Variants in SND1 observed in about 807,000 individuals in gnomAD.
SND1 encodes staphylococcal nuclease domain-containing protein 1.
SND1 carries 38 observed loss-of-function variants against 121.7 expected under a neutral mutation model. That is an observed-to-expected ratio of 0.31 (90% CI 0.24 to 0.41). The LOEUF (loss-of-function observed/expected upper bound fraction) is 0.41. SND1 is among the 10% of genes least tolerant of loss of function. The pLI is 1.00. For synonymous variants in SND1, 401 were observed against 447.4 expected, an observed-to-expected ratio of 0.90 and a Z score of 1.31; for missense variants, 868 against 1,184.6, an observed-to-expected ratio of 0.73 and a Z score of 3.92.
At chr7:127,982,628 A>G (rs977457287) in intron 15 of SND1, among the ~76,000 whole-genome samples, 1 of 152,240 alleles carries the variant, frequency 6.6e-6, no homozygotes, top group African/African-American at 2.4e-5. Context: ...ACCTTTTAGT[A>G]CAAACTGTAG....
At chr7:127,665,637 G>A (rs1795402807) in intron 1 of SND1, among the ~76,000 whole-genome samples, 1 of 152,190 alleles carries the variant, frequency 6.6e-6, no homozygotes, top group African/African-American at 2.4e-5. Flanking sequence ...GAGGGCTGTG[G>A]TGATAGGTAT....
At chr7:127,751,583 T>A (rs546969493) in intron 10 of SND1, among the ~76,000 whole-genome samples, 1 of 144,400 alleles carries the variant, frequency 6.9e-6, no homozygotes, top group South Asian at 2.1e-4. Context: ...GGCTATAGCC[T>A]TCATTTGGCC....
intron 13 of SND1, among the ~76,000 whole-genome samples, chr7:127,891,940 A>T (rs549841729): frequency 1.3e-5 from 2 of 152,208 alleles, no homozygotes; most frequent in East Asian, 3.9e-4. Context: ...TCGTTCTGAC[A>T]CTCTTTAGGT....
chr7:127,664,648 G>A (rs1052894157), intron 1 of SND1, among the ~76,000 whole-genome samples: 4 of 152,286 alleles, frequency 2.6e-5, no homozygotes, highest in Admixed American at 6.5e-5. Flanking sequence ...TAATAAACCC[G>A]AGAAGAGGCT....
intron 12 of SND1, among the ~76,000 whole-genome samples, chr7:127,887,125 CT>C (rs139849874): frequency 0.012 from 1,893 of 152,124 alleles, 19 homozygotes; most frequent in Non-Finnish European, 0.021. Context: ...TTCCAAGTAG[CT>C]GGAACTACAG....
At position 127,702,257 on chromosome 7, in the gene SND1, T is replaced by C. The variant is rs534744350; in HGVS notation, c.590-178T>C. Among the ~76,000 whole-genome samples the C allele has an allele frequency of 2.0e-5, 3 of 152,336 alleles. No individual in the cohort carries two copies. In the East Asian group the frequency reaches 5.8e-4, roughly 29 times the overall value. On this transcript the variant is annotated intron_variant, in intron 5 of 23. Coordinates refer to ENST00000354725, the MANE Select transcript of SND1 (RefSeq NM_014390.4). ...TAATCTGCATTCTCCAGGAATCATTTATGCAAGAGTCTGTTATGTAAACTC... is the reference window on the plus strand; with the variant it reads ...TAATCTGCATTCTCCAGGAATCATTCATGCAAGAGTCTGTTATGTAAACTC...
At chr7:127,734,925 CCAGA>C (rs1796747050) in intron 10 of SND1, among the ~76,000 whole-genome samples, 1 of 152,152 alleles carries the variant, frequency 6.6e-6, no homozygotes, top group African/African-American at 2.4e-5. Context: ...TTTCCAGCTG[CCAGA>C]CAGACCAGAA....
chr7:127,747,308 T>C (rs1587636962), intron 10 of SND1, among the ~76,000 whole-genome samples: 1 of 152,362 alleles, frequency 6.6e-6, no homozygotes, highest in South Asian at 2.1e-4. Flanking sequence ...CATGTGGCTG[T>C]GGAAAGGACT....
intron 11 of SND1, among the ~76,000 whole-genome samples, chr7:127,825,220 C>T (rs1461098084): frequency 1.3e-5 from 2 of 152,130 alleles, no homozygotes; most frequent in Non-Finnish European, 2.9e-5. Flanking sequence ...AAGTGATTCT[C>T]CTGCCTTAGT....
rs1486352539 is a variant in SND1, at chr7:127,980,410, G to A, written c.1670-10537G>A. 2.4e-4 allele frequency among the ~76,000 whole-genome samples: 4 copies of A among 16,648 alleles called. 1 individual carries two copies. The highest frequency in any genetic ancestry group is 1.6e-3 in the East Asian group (4 of 2,570). The allele number at this position is 16,648 out of a possible 152,430, so 10.9% of individuals were successfully genotyped here. On this transcript the variant is annotated intron_variant, in intron 15 of 23. Coordinates refer to ENST00000354725, the MANE Select transcript of SND1 (RefSeq NM_014390.4). ...GCTGGGATTACAGGCGTGAGCCACC[G>A]CGCCCGGCCTCTTTTTCTTTAAAGT...
chr7:127,997,749 T>C (rs1802702870), intron 16 of SND1: 1 of 534,702 alleles, frequency 1.9e-6, no homozygotes, highest in Non-Finnish European at 3.8e-6. Context: ...ATGGACCTGT[T>C]ATACTGGCAG....
At chr7:127,774,192 T>C (rs936122287) in intron 10 of SND1, among the ~76,000 whole-genome samples, 3 of 152,334 alleles carry the variant, frequency 2.0e-5, no homozygotes, top group Admixed American at 6.5e-5. Context: ...GAAGACCTTC[T>C]AAGTGGGACA....
chr7:127,788,511 T>C (rs34844752), intron 10 of SND1, among the ~76,000 whole-genome samples: 9,904 of 152,288 alleles, frequency 0.065, 421 homozygotes, highest in Middle Eastern at 0.2. Flanking sequence ...ATAAAATCCA[T>C]GTTCTCTCTT....
chr7:128,025,086 G>A (rs1156291553), intron 16 of SND1, among the ~76,000 whole-genome samples: 1 of 152,228 alleles, frequency 6.6e-6, no homozygotes, highest in Non-Finnish European at 1.5e-5. Flanking sequence ...CTAAGAATCA[G>A]GAAATGGTTA....
chr7:127,709,115 C>A (rs1587611497), intron 9 of SND1, among the ~76,000 whole-genome samples: 1 of 152,148 alleles, frequency 6.6e-6, no homozygotes, highest in African/African-American at 2.4e-5. Context: ...ATGAGTGGGA[C>A]TTGCACCTGT....
At chr7:128,030,198 T>C (rs772560751) in intron 16 of SND1, 2 of 1,614,226 alleles carry the variant, frequency 1.2e-6, no homozygotes, top group Non-Finnish European at 1.7e-6. Context: ...CTCCCGCAGC[T>C]TGGACAGGTA....
At chr7:128,066,633 A>G (rs1194775641) in intron 16 of SND1, among the ~76,000 whole-genome samples, 1 of 152,160 alleles carries the variant, frequency 6.6e-6, no homozygotes, top group Non-Finnish European at 1.5e-5. Flanking sequence ...TGCATTGTTA[A>G]TGTTCATCAT....
intron 13 of SND1, among the ~76,000 whole-genome samples, chr7:127,892,692 C>G (rs906016568): frequency 2.0e-5 from 3 of 152,146 alleles, no homozygotes. Flanking sequence ...GGCATTTTCT[C>G]ATATACTCTC....
chr7:127,873,275 C>G (rs1469673203), intron 12 of SND1, among the ~76,000 whole-genome samples: 2 of 152,080 alleles, frequency 1.3e-5, no homozygotes, highest in Non-Finnish European at 2.9e-5. Flanking sequence ...CATTAAGTTC[C>G]TACTCAGCTA....
Sources: gnomAD v4.1 joint callset for allele counts (sites outside exome capture counted in the v4.1 genomes callset) on GRCh38, gnomAD v4.1.1 for gene constraint, MANE v1.5 for transcripts, NCBI Gene and HGNC (gene_info 2026-07-23, HGNC 2026-07-21) for gene names.